The following ZC3H14 variants were observed in gnomAD, a reference collection of about 807,000 sequenced individuals.
ZC3H14 encodes zinc finger CCCH-type containing 14.
In ZC3H14, 31 loss-of-function variants were observed where a neutral mutation model predicts 92.4. The observed-to-expected ratio is 0.34, with a 90% confidence interval of 0.25 to 0.45. The LOEUF is 0.45. Ranked by LOEUF, ZC3H14 falls within the 20% of genes least tolerant of loss-of-function variation. The pLI is 1.00. For synonymous variants in ZC3H14, 321 were observed against 300.9 expected, an observed-to-expected ratio of 1.07 and a Z score of -0.69; for missense variants, 781 against 897.3, an observed-to-expected ratio of 0.87 and a Z score of 1.66.
chr14:88,584,491 AC>A (rs1346252630), intron 9 of ZC3H14, among the ~76,000 whole-genome samples: 1 of 152,214 alleles, frequency 6.6e-6, no homozygotes, highest in East Asian at 1.9e-4. Context: ...TTTACATGAT[AC>A]CGCTTGTAGT....
chr14:88,618,621 CA>C lies in ZC3H14; in HGVS notation c.*6871del, dbSNP rs1367794877. The C allele has an allele frequency of 6.3e-7, 1 of 1,582,922 alleles. No homozygotes were observed. Among genetic ancestry groups the C allele is most frequent in the Non-Finnish European group, 8.6e-7 (1 of 1,166,530 alleles). On this transcript the variant is annotated 3_prime_UTR_variant, in exon 17 of 17. Coordinates refer to ENST00000251038, the MANE Select transcript of ZC3H14 (RefSeq NM_024824.5). ...GAAATGTAAAAGCAGAAGAACTTGC[CA>C]CCTGGGTATACAGTATTGGTACTGT...
chr14:88,574,037 C>T (rs2080841597), intron 6 of ZC3H14, among the ~76,000 whole-genome samples: 1 of 152,140 alleles, frequency 6.6e-6, no homozygotes. Context: ...GGATTTCCAG[C>T]ATTTGAGATA....
At position 88,621,896 on chromosome 14, in the gene ZC3H14, T is replaced by C; in HGVS notation, c.*10145T>C. 4.4e-6 allele frequency: 2 copies of C among 456,480 alleles called. No homozygotes were observed. Among genetic ancestry groups the C allele is most frequent in the South Asian group, 3.1e-5 (2 of 64,508 alleles). The allele number at this position is 456,480 out of a possible 1,614,324, so 28.3% of individuals were successfully genotyped here. On this transcript the variant is annotated 3_prime_UTR_variant, in exon 17 of 17. Coordinates refer to ENST00000251038, the MANE Select transcript of ZC3H14 (RefSeq NM_024824.5). Reference sequence around the variant, plus strand: ...GATGGAAACTTTCAAAATCCTCTCTTGTAAATACCTGAAAATACATAAATA... The same window carrying C: ...GATGGAAACTTTCAAAATCCTCTCTCGTAAATACCTGAAAATACATAAATA...
Position 88,620,566 on chromosome 14 carries a change from A to G in ZC3H14, c.*8815A>G. 1 of 467,448 alleles carries G rather than the reference A, an allele frequency of 2.1e-6. No homozygotes were observed. Among genetic ancestry groups the G allele is most frequent in the Non-Finnish European group, 3.6e-6 (1 of 274,466 alleles). The allele number at this position is 467,448 out of a possible 1,614,324, so 29.0% of individuals were successfully genotyped here. ...GTACTTGCTATTATAGTTGGTGCCC[A>G]GTGGGTTTATAATTTAGCAAGAAGA... On this transcript the variant is annotated 3_prime_UTR_variant, in exon 17 of 17. Coordinates refer to ENST00000251038, the MANE Select transcript of ZC3H14 (RefSeq NM_024824.5). The surrounding 1 kb of genome is among the most constrained non-coding windows in gnomAD (Gnocchi z 4.3).
intron 9 of ZC3H14, chr14:88,591,890 C>T (rs1234049481): frequency 1.3e-5 from 2 of 152,164 alleles, no homozygotes; most frequent in South Asian, 2.1e-4. Flanking sequence ...GCCAGACTAC[C>T]GAAGGTGCAG....
At chr14:88,610,271 G>GC (rs1057021079) in intron 15 of ZC3H14, among the ~76,000 whole-genome samples, 1 of 152,140 alleles carries the variant, frequency 6.6e-6, no homozygotes, top group South Asian at 2.1e-4. Context: ...GCCTTCACTT[G>GC]CCCCCATCTG....
chr14:88,593,362 A>T (rs1315128631), intron 9 of ZC3H14, among the ~76,000 whole-genome samples: 1 of 152,126 alleles, frequency 6.6e-6, no homozygotes, highest in Non-Finnish European at 1.5e-5. Flanking sequence ...TTTTTTTTGT[A>T]GAAATCGGCA....
At chr14:88,599,473 TC>T (rs568351423) in intron 10 of ZC3H14, among the ~76,000 whole-genome samples, 114 of 152,026 alleles carry the variant, frequency 7.5e-4, no homozygotes, top group Non-Finnish European at 1.2e-3. Flanking sequence ...TGTTACTTAC[TC>T]CCCCGTCTGT....
rs1394047606 is a variant in ZC3H14 at position 88,605,157 on chromosome 14, A to T, written c.1748-2086A>T. ...GGTATTCTCTTAATCTTTTATTTGTACTGGGTTCTTGTGTATATATTATAG... is the reference window on the plus strand; with the variant it reads ...GGTATTCTCTTAATCTTTTATTTGTTCTGGGTTCTTGTGTATATATTATAG... On this transcript the variant is annotated intron_variant, in intron 12 of 16. Coordinates refer to ENST00000251038, the MANE Select transcript of ZC3H14 (RefSeq NM_024824.5). Among the ~76,000 whole-genome samples the T allele has an allele frequency of 2.6e-5, 4 of 152,064 alleles. No individual in the cohort carries two copies. The East Asian group carries it at 7.7e-4, about 29-fold the overall frequency.
chr14:88,619,536 T>C lies in ZC3H14; in HGVS notation c.*7785T>C, dbSNP rs1305631754. 4 of 152,124 alleles carry C rather than the reference T, an allele frequency of 2.6e-5. No individual in the cohort carries two copies. The highest frequency in any genetic ancestry group is 7.2e-5 in the African/African-American group (3 of 41,410). The allele number at this position is 152,124 out of a possible 1,614,324, so 9.4% of individuals were successfully genotyped here. A position where few individuals can be genotyped will look rare whatever the true frequency, so the allele number is the denominator to read the frequency against. ...TCTCAGCTTTTAAAAGCCATTAGCA[T>C]TACATAATTAATAAGCTAACAATTC... On this transcript the variant is annotated 3_prime_UTR_variant, in exon 17 of 17. Coordinates refer to ENST00000251038, the MANE Select transcript of ZC3H14 (RefSeq NM_024824.5).
chr14:88,583,306 T>TG (rs1286061275), intron 9 of ZC3H14, among the ~76,000 whole-genome samples: 4 of 151,962 alleles, frequency 2.6e-5, no homozygotes, highest in African/African-American at 9.7e-5. Context: ...TTTGTAAAGA[T>TG]GGAGTCTCAC....
intron 6 of ZC3H14, chr14:88,574,380 G>A (rs2080892680): frequency 8.7e-6 from 3 of 343,588 alleles, no homozygotes; most frequent in South Asian, 2.4e-5. Context: ...CGAGTAGCTC[G>A]GACTACAGGC....
chr14:88,616,652 A>G lies in ZC3H14; in HGVS notation c.*4901A>G. 7.3e-7 allele frequency: 1 copy of G among 1,360,652 alleles called. No homozygotes were observed. The highest frequency in any genetic ancestry group is 9.9e-7 in the Non-Finnish European group (1 of 1,013,152). The allele number at this position is 1,360,652 out of a possible 1,614,324, so 84.3% of individuals were successfully genotyped here. The stretch of plus-strand genomic sequence containing the variant: ...AATTAGGACAAAACATTTTAAATAT[A>G]TGGGGAAAAGTGCTGATGATAAGAC... On this transcript the variant is annotated 3_prime_UTR_variant, in exon 17 of 17. Transcript: ENST00000251038.
chr14:88,574,501 C>T (rs942706117), intron 6 of ZC3H14, 192 bp from the exon 7 acceptor site: 2 of 640,374 alleles, frequency 3.1e-6, no homozygotes, highest in African/African-American at 3.7e-5. Context: ...CTTCGGCCTT[C>T]CAAAGTGCTA....
intron 9 of ZC3H14, among the ~76,000 whole-genome samples, chr14:88,588,035 AT>A (rs1378348524): frequency 6.6e-6 from 1 of 151,866 alleles, no homozygotes; most frequent in African/African-American, 2.4e-5. Context: ...AGTTTTTTTA[AT>A]TTTTCCCCCT....
rs1044434049 is a variant in ZC3H14, at chr14:88,570,964, A to G, written c.195-120A>G. ...AACCCCATCTCTATTTAAAAATAAT[A>G]AAAATATAAAAAAATTTAAAAAATT... On this transcript the variant is annotated intron_variant, in intron 3 of 16. Transcript: ENST00000251038. The G allele has an allele frequency of 1.8e-5, 14 of 772,348 alleles. No homozygotes were observed. In the Admixed American group the frequency reaches 5.0e-4, roughly 28 times the overall value. 47.8% of individuals were successfully genotyped at this position (772,348 alleles called of 1,614,324 possible). A position where few individuals can be genotyped will look rare whatever the true frequency, so the allele number is the denominator to read the frequency against.
Position 88,618,098 on chromosome 14 carries a change from C to G in ZC3H14, c.*6347C>G, listed in dbSNP as rs1238491134. On this transcript the variant is annotated 3_prime_UTR_variant, in exon 17 of 17. Transcript: ENST00000251038. The stretch of plus-strand genomic sequence containing the variant: ...GGGTCCCAACATGAACATACCATTT[C>G]AAAATATGGTAACAAAAACTTGAAA... 2 of 628,852 alleles carry G rather than the reference C, an allele frequency of 3.2e-6. No individual in the cohort carries two copies. Among genetic ancestry groups the G allele is most frequent in the East Asian group, 5.6e-5 (2 of 35,474 alleles). 39.0% of individuals were successfully genotyped at this position (628,852 alleles called of 1,614,324 possible).
intron 3 of ZC3H14, 59 bp from the exon 4 acceptor site, chr14:88,571,025 G>A: frequency 7.3e-7 from 1 of 1,364,312 alleles, no homozygotes; most frequent in Non-Finnish European, 9.9e-7. Context: ...TAGAGTGACA[G>A]TTGAAATGAA....
chr14:88,604,858 T>G lies in ZC3H14; in HGVS notation c.1747+1798T>G, dbSNP rs1254860705. Among the ~76,000 whole-genome samples, 3 of 152,248 alleles carry G rather than the reference T, an allele frequency of 2.0e-5. No homozygotes were observed. The East Asian group carries it at 5.8e-4, about 29-fold the overall frequency. ...ATCCACCAACCTCGGCCTCCCAAAG[T>G]TCTGGGATTACAGGTGTGAGCCACC... On this transcript the variant is annotated intron_variant, in intron 12 of 16. Transcript: ENST00000251038.
Sources: allele counts gnomAD v4.1 joint callset (sites outside exome capture counted in the v4.1 genomes callset), GRCh38; gene constraint gnomAD v4.1.1; non-coding constraint Gnocchi (gnomAD v3.1); transcripts MANE v1.5; gene names NCBI Gene and HGNC (gene_info 2026-07-23, HGNC 2026-07-21).